HSD17B12: variants seen among roughly 807,000 people sequenced by gnomAD.
The protein encoded by HSD17B12 is hydroxysteroid 17-beta dehydrogenase 12, also known as very-long-chain 3-oxoacyl-CoA reductase.
Under a neutral mutation model 39.3 loss-of-function variants are expected in HSD17B12, and 32 were observed. The observed-to-expected ratio is 0.81, with a 90% CI of 0.61 to 1.09. The LOEUF is 1.09. Ranked by LOEUF, HSD17B12 falls within the 50% of genes least tolerant of loss-of-function variation. The pLI is 0.00. For missense variants in HSD17B12, 342 were observed against 382.9 expected (o/e 0.89, Z 0.89); for synonymous variants, 150 against 146.7 (o/e 1.02, Z -0.16).
chr11:43,831,177 G>T lies in HSD17B12; in HGVS notation c.536+167G>T. ...AGTCACAGTAGAGCATGAGTCATCG[G>T]TGGTGGAGGCCTTTTCCACTCGATT... On this transcript the variant is annotated intron_variant, in intron 7 of 10. Transcript: ENST00000278353. The surrounding 1 kb of genome is among the most constrained non-coding windows in gnomAD (Gnocchi z 4.1). 1 of 497,018 alleles carries T rather than the reference G, an allele frequency of 2.0e-6. No individual in the cohort carries two copies. 30.8% of individuals were successfully genotyped at this position (497,018 alleles called of 1,614,324 possible).
At chr11:43,735,918 C>A (rs1300500155) in intron 1 of HSD17B12, among the ~76,000 whole-genome samples, 1 of 152,126 alleles carries the variant, frequency 6.6e-6, no homozygotes, top group South Asian at 2.1e-4. Flanking sequence ...ACCATCAGAC[C>A]TCCTGATAAC....
intron 1 of HSD17B12, among the ~76,000 whole-genome samples, chr11:43,732,200 A>G (rs1056291953): frequency 1.3e-5 from 2 of 152,144 alleles, no homozygotes; most frequent in African/African-American, 4.8e-5. Context: ...TGCTGCCACC[A>G]TGTGAAGAAG....
the HSD17B12 span, among the ~76,000 whole-genome samples, chr11:43,625,296 T>C: frequency 6.6e-6 from 1 of 151,648 alleles, no homozygotes; most frequent in Non-Finnish European, 1.5e-5. Flanking sequence ...TATTTTCAAC[T>C]CTTAACATAA....
At chr11:43,829,900 G>A (rs1951291111) in intron 6 of HSD17B12, 1 of 152,008 alleles carries the variant, frequency 6.6e-6, no homozygotes, top group Non-Finnish European at 1.5e-5. Context: ...ATACTGTTAG[G>A]GTTTTGTATA....
the HSD17B12 span, among the ~76,000 whole-genome samples, chr11:43,577,211 C>A: frequency 6.6e-6 from 1 of 152,198 alleles, no homozygotes; most frequent in African/African-American, 2.4e-5. Flanking sequence ...CAGTTCCGTG[C>A]GCCAGGGGGC....
the HSD17B12 span, chr11:43,644,663 T>G: frequency 3.3e-5 from 5 of 153,036 alleles, no homozygotes; most frequent in African/African-American, 4.8e-5. Context: ...GGGCTCTTTT[T>G]CTTGGGTCTG....
chr11:43,614,385 T>C, the HSD17B12 span, among the ~76,000 whole-genome samples: 2 of 152,256 alleles, frequency 1.3e-5, no homozygotes, highest in African/African-American at 4.8e-5. Context: ...ATTACATTTT[T>C]GTTCCTCTGT....
the HSD17B12 span, among the ~76,000 whole-genome samples, chr11:43,665,956 G>T: frequency 2.2e-3 from 338 of 152,334 alleles, no homozygotes; most frequent in Non-Finnish European, 4.2e-3. Context: ...GGAATGAGAA[G>T]TAGATGGAGT....
the HSD17B12 span, among the ~76,000 whole-genome samples, chr11:43,614,184 G>T: frequency 0.68 from 102,713 of 152,034 alleles, 34,992 homozygotes; most frequent in East Asian, 0.81. Flanking sequence ...ATAATAGAGG[G>T]CTGCTGGTGA....
At chr11:43,819,428 G>A (rs1472890334) in intron 6 of HSD17B12, among the ~76,000 whole-genome samples, 2 of 152,134 alleles carry the variant, frequency 1.3e-5, no homozygotes, top group Admixed American at 1.3e-4. Flanking sequence ...CAGGATCTGA[G>A]CACAGATCAG....
At chr11:43,638,227 T>G in the HSD17B12 span, among the ~76,000 whole-genome samples, 4 of 152,228 alleles carry the variant, frequency 2.6e-5, no homozygotes, top group African/African-American at 9.6e-5. Flanking sequence ...CCCCTCATTT[T>G]ACATTTTACT....
At chr11:43,633,623 G>C in the HSD17B12 span, among the ~76,000 whole-genome samples, 1 of 152,138 alleles carries the variant, frequency 6.6e-6, no homozygotes, top group Non-Finnish European at 1.5e-5. Context: ...TCTGAGAGAA[G>C]GAGAATGACT....
At chr11:43,690,398 A>AT (rs1303064530) in intron 1 of HSD17B12, among the ~76,000 whole-genome samples, 1 of 27,480 alleles carries the variant, frequency 3.6e-5, no homozygotes, top group African/African-American at 2.4e-4. Flanking sequence ...ATATATATAT[A>AT]TATATATTTT....
chr11:43,583,486 G>T, the HSD17B12 span, among the ~76,000 whole-genome samples: 4 of 152,192 alleles, frequency 2.6e-5, no homozygotes, highest in Non-Finnish European at 5.9e-5. Context: ...GCGGAAAGGG[G>T]TCTCTCATTC....
intron 3 of HSD17B12, among the ~76,000 whole-genome samples, chr11:43,784,461 G>T (rs941128720): frequency 6.7e-6 from 1 of 150,332 alleles, no homozygotes; most frequent in African/African-American, 2.5e-5. Context: ...GCAGGTGGGG[G>T]TGGGGGGCAG....
intron 7 of HSD17B12, 29 bp from the exon 8 acceptor site, chr11:43,838,288 C>T (rs756278877): frequency 2.7e-6 from 4 of 1,498,712 alleles, no homozygotes; most frequent in Non-Finnish European, 3.7e-6. Context: ...TGGCTTCACT[C>T]CTTTTACACG....
intron 3 of HSD17B12, among the ~76,000 whole-genome samples, chr11:43,797,046 G>A (rs1950922182): frequency 6.6e-6 from 1 of 152,008 alleles, no homozygotes; most frequent in Non-Finnish European, 1.5e-5. Context: ...ACCAAATAAG[G>A]TATTTTCTAG....
chr11:43,811,575 TTC>T (rs1390002392), intron 4 of HSD17B12, among the ~76,000 whole-genome samples: 2 of 152,152 alleles, frequency 1.3e-5, no homozygotes, highest in Admixed American at 6.5e-5. Context: ...TGAACAGGTT[TTC>T]TCTCTTTTTT....
intron 3 of HSD17B12, among the ~76,000 whole-genome samples, chr11:43,761,638 T>C (rs1950556055): frequency 6.6e-6 from 1 of 152,244 alleles, no homozygotes; most frequent in Non-Finnish European, 1.5e-5. Context: ...AGATCTAAGA[T>C]GGCTTCTCTT....
Sources: allele counts gnomAD v4.1 joint callset (sites outside exome capture counted in the v4.1 genomes callset), GRCh38; gene constraint gnomAD v4.1.1; non-coding constraint Gnocchi (gnomAD v3.1); transcripts MANE v1.5; gene names NCBI Gene and HGNC (gene_info 2026-07-23, HGNC 2026-07-21).